IRGQ: variants seen among roughly 807,000 people sequenced by gnomAD.
IRGQ encodes the protein immunity related GTPase Q.
Under a neutral mutation model 10.5 loss-of-function variants are expected in IRGQ, and 5 were observed. The observed-to-expected ratio is 0.48, with a 90% CI of 0.25 to 1.00. The LOEUF (loss-of-function observed/expected upper bound fraction) is 1.00. IRGQ is among the 50% of genes least tolerant of loss of function. The probability of loss-of-function intolerance (pLI) is 0.16; values close to 1 mark genes in which losing one functional copy is unlikely to be tolerated. For synonymous variants in IRGQ, 418 were observed against 426.0 expected (o/e 0.98, Z 0.23); for missense variants, 792 against 877.7 (o/e 0.90, Z 1.23).
Position 43,587,528 on chromosome 19 carries a change from A to G in IRGQ, c.*4498T>C, listed in dbSNP as rs1193927138. 6.6e-6 allele frequency: 1 copy of G among 152,254 alleles called. No homozygotes were observed. The highest frequency in any genetic ancestry group is 1.5e-5 in the Non-Finnish European group (1 of 68,048). The allele number at this position is 152,254 out of a possible 1,614,324, so 9.4% of individuals were successfully genotyped here. On this transcript the variant is annotated 3_prime_UTR_variant, in exon 3 of 3. Coordinates refer to ENST00000422989, the MANE Select transcript of IRGQ (RefSeq NM_001007561.3). ...CAAGCATTTCAGATAAAAATGTACCATGGTAATTGAGATTTGGTGTAAGTG... is the reference window on the plus strand; with the variant it reads ...CAAGCATTTCAGATAAAAATGTACCGTGGTAATTGAGATTTGGTGTAAGTG...
chr19:43,595,195 G>T lies in IRGQ; in HGVS notation c.144C>A (p.Ser48Arg). Reference sequence around the variant, plus strand: ...AAAGGCCTGGGCCCGCAGCTCTTAGGCTGGGAACCCCGGAGTCCGGCCGTC... The same window carrying T: ...AAAGGCCTGGGCCCGCAGCTCTTAGTCTGGGAACCCCGGAGTCCGGCCGTC... Reference protein sequence around the residue: ...PEGRPDSGVPSLRAAGPGLFL... With the variant: ...PEGRPDSGVPRLRAAGPGLFL... The change falls in exon 2 of 3, where the codon AGC (serine) becomes AGA (arginine). Residue 48 changes from serine to arginine, a missense_variant. Ser to Arg is a moderately radical substitution (Grantham distance 110). Coordinates refer to ENST00000422989, the MANE Select transcript of IRGQ (RefSeq NM_001007561.3). 1 of 1,612,126 alleles carries T rather than the reference G, an allele frequency of 6.2e-7. No individual in the cohort carries two copies. The highest frequency in any genetic ancestry group is 2.2e-5 in the East Asian group (1 of 44,864).
Position 43,594,724 on chromosome 19 carries a change from G to T in IRGQ, c.530+85C>A, listed in dbSNP as rs144835604. The T allele has an allele frequency of 8.4e-6, 10 of 1,184,136 alleles. No individual in the cohort carries two copies. The Admixed American group carries it at 2.0e-4, about 24-fold the overall frequency. 73.4% of individuals were successfully genotyped at this position (1,184,136 alleles called of 1,614,324 possible). A position where few individuals can be genotyped will look rare whatever the true frequency, so the allele number is the denominator to read the frequency against. Reference sequence around the variant, plus strand: ...GCTAAGCCTTGCCCCAAACTCACTGGGGGAGGGATCTCATGGACCTCCATG... The same window carrying T: ...GCTAAGCCTTGCCCCAAACTCACTGTGGGAGGGATCTCATGGACCTCCATG... On this transcript the variant is annotated intron_variant, in intron 2 of 2. Transcript: ENST00000422989.
rs1440049059 is a variant in IRGQ at position 43,586,247 on chromosome 19, GAGTCTT to G, written c.*5773_*5778del. 6 of 152,136 alleles carry G rather than the reference GAGTCTT, an allele frequency of 3.9e-5. No homozygotes were observed. 9.4% of individuals were successfully genotyped at this position (152,136 alleles called of 1,614,324 possible). A position where few individuals can be genotyped will look rare whatever the true frequency, so the allele number is the denominator to read the frequency against. ...GGCGGCCAGTGATCTGTCTACAAGG[GAGTCTT>G]AGTCTTTTCTGCTTGGATGCTCCCA... On this transcript the variant is annotated 3_prime_UTR_variant, in exon 3 of 3. Transcript: ENST00000422989.
chr19:43,592,413 T>G lies in IRGQ; in HGVS notation c.1485A>C (p.Ala495=). Residue 495 remains alanine (A), a synonymous_variant, in exon 3 of 3, where the codon GCA becomes GCC. Transcript: ENST00000422989. ...ATGCCCAGCCCAGCCCTGGGAGTGG[T>G]GCCGCCGCCGCCGCCAGACTAGCCA... is the stretch of plus-strand genomic sequence containing the variant. ...ALLASLAAAA[A]PLPGLGWACD... The G allele has an allele frequency of 6.3e-7, 1 of 1,575,084 alleles. No individual in the cohort carries two copies. Among genetic ancestry groups the G allele is most frequent in the Non-Finnish European group, 8.6e-7 (1 of 1,168,394 alleles).
In IRGQ at chr19:43,592,553, CT is replaced by C. The variant is rs1225639245; in HGVS notation, c.1344del (p.Ala449ArgfsTer103). 1 of 1,597,132 alleles carries C rather than the reference CT, an allele frequency of 6.3e-7. No homozygotes were observed. Among genetic ancestry groups the C allele is most frequent in the Admixed American group, 1.7e-5 (1 of 59,922 alleles). ...GCCCCTGCCTGGGCTGGGGGGAGCG[CT>C]CGCCGCAGCCATTCGCATAGCCCTG... is the stretch of plus-strand genomic sequence containing the variant. ...GLPGLCEWLR[R>X]ALPPAQAGAL... On this transcript the variant is annotated frameshift_variant, in exon 3 of 3. Transcript: ENST00000422989. LOFTEE classifies it high-confidence loss of function.
Position 43,585,393 on chromosome 19 carries a change from C to G in IRGQ, c.*6633G>C, listed in dbSNP as rs1972983028. ...AGCTGGGACTACAGGTGTGCACCACCACACCCAGCTAATTTTTTGTATTTT... is the reference window on the plus strand; with the variant it reads ...AGCTGGGACTACAGGTGTGCACCACGACACCCAGCTAATTTTTTGTATTTT... On this transcript the variant is annotated 3_prime_UTR_variant, in exon 3 of 3. Transcript: ENST00000422989. The G allele has an allele frequency of 6.6e-6, 1 of 152,262 alleles. No homozygotes were observed. The highest frequency in any genetic ancestry group is 1.5e-5 in the Non-Finnish European group (1 of 68,128). The allele number at this position is 152,262 out of a possible 1,614,324, so 9.4% of individuals were successfully genotyped here.
intron 1 of IRGQ, 71 bp from the exon 2 acceptor site, chr19:43,595,411 T>G (rs2146101416): frequency 1.5e-5 from 22 of 1,422,996 alleles, no homozygotes; most frequent in Non-Finnish European, 2.1e-5. Flanking sequence ...GCCGCCCCAC[T>G]CGGAACCCAG....
Position 43,592,898 on chromosome 19 carries a change from C to T in IRGQ, c.1000G>A (p.Glu334Lys). Residue 334 changes from glutamate to lysine, a missense_variant, in exon 3 of 3, where the codon GAG becomes AAG. Coordinates refer to ENST00000422989, the MANE Select transcript of IRGQ (RefSeq NM_001007561.3). Reference sequence around the variant, plus strand: ...CCCAGACACTCCGGATCCTCGCCCTCGCCGTCTGTGCGCACGCAGACAAGA... The same window carrying T: ...CCCAGACACTCCGGATCCTCGCCCTTGCCGTCTGTGCGCACGCAGACAAGA... The part of the protein sequence containing the change: ...APLVCVRTDG[E>K]GEDPECLGEG... 1.2e-6 allele frequency: 2 copies of T among 1,613,184 alleles called. No individual in the cohort carries two copies. Among genetic ancestry groups the T allele is most frequent in the Admixed American group, 1.7e-5 (1 of 60,032 alleles).
In IRGQ at chr19:43,591,273, T is replaced by C. The variant is rs913844028; in HGVS notation, c.*753A>G. The C allele has an allele frequency of 6.6e-6, 1 of 152,292 alleles. No individual in the cohort carries two copies. The highest frequency in any genetic ancestry group is 1.5e-5 in the Non-Finnish European group (1 of 68,090). 9.4% of individuals were successfully genotyped at this position (152,292 alleles called of 1,614,324 possible). On this transcript the variant is annotated 3_prime_UTR_variant, in exon 3 of 3. Coordinates refer to ENST00000422989, the MANE Select transcript of IRGQ (RefSeq NM_001007561.3). ...GTGCAGGCTTTTTCTCCCAGAGAAATGTAGACCCTGTTTCCCTCTGAGGCT... is the reference window on the plus strand; with the variant it reads ...GTGCAGGCTTTTTCTCCCAGAGAAACGTAGACCCTGTTTCCCTCTGAGGCT...
In IRGQ at chr19:43,592,543, G is replaced by C. The variant is rs751338687; in HGVS notation, c.1355C>G (p.Pro452Arg). 7 of 1,596,564 alleles carry C rather than the reference G, an allele frequency of 4.4e-6. No individual in the cohort carries two copies. Among genetic ancestry groups the C allele is most frequent in the Non-Finnish European group, 5.9e-6 (7 of 1,178,344 alleles). ...LCEWLRRALPPAQAGALLLAL... is the reference protein window; with the variant it reads ...LCEWLRRALPRAQAGALLLAL... ...CAGCAGCAGTGCCCCTGCCTGGGCT[G>C]GGGGGAGCGCTCGCCGCAGCCATTC... is the stretch of plus-strand genomic sequence containing the variant. Residue 452 changes from proline (P) to arginine (R), a missense_variant, in exon 3 of 3, where the codon CCA becomes CGA. By Grantham distance (103) the Pro-to-Arg change is moderately radical (BLOSUM62 -2). Transcript: ENST00000422989.
At position 43,592,665 on chromosome 19, in the gene IRGQ, G is replaced by C. The variant is rs200332851; in HGVS notation, c.1233C>G (p.Ala411=). The C allele has an allele frequency of 1.0e-4, 163 of 1,605,884 alleles. No homozygotes were observed. The highest frequency in any genetic ancestry group is 5.0e-4 in the Admixed American group (30 of 60,008). ...KKSGGGDSER[A]AALSPEDETW... is the part of the protein sequence containing the mutation. ...TCTCGTCCTCCGGGCTTAACGCAGCGGCCCGCTCTGAGTCGCCACCACCTG... is the reference window on the plus strand; with the variant it reads ...TCTCGTCCTCCGGGCTTAACGCAGCCGCCCGCTCTGAGTCGCCACCACCTG... Residue 411 remains alanine (A), a synonymous_variant, in exon 3 of 3, where the codon GCC becomes GCG. Coordinates refer to ENST00000422989, the MANE Select transcript of IRGQ (RefSeq NM_001007561.3).
rs541944886 is a variant in IRGQ at position 43,592,965 on chromosome 19, C to T, written c.933G>A (p.Lys311=). Residue 311 remains lysine, a synonymous_variant, in exon 3 of 3, where the codon AAG becomes AAA. Transcript: ENST00000422989. ...GCAAGGCCTGGACCTGGGCCCAGTC[C>T]TTCTCAGTGGGGGCCCCAGGGGTGA... The part of the protein sequence containing the change: ...ILVTPGAPTE[K]DWAQVQALLL... The T allele has an allele frequency of 6.0e-5, 96 of 1,609,336 alleles. 1 individual carries two copies. The South Asian group carries it at 1.0e-3, about 17-fold the overall frequency.
Position 43,592,499 on chromosome 19 carries a change from G to C in IRGQ, c.1399C>G (p.Pro467Ala). The C allele has an allele frequency of 6.3e-7, 1 of 1,594,712 alleles. No individual in the cohort carries two copies. Reference sequence around the variant, plus strand: ...GCAGCCTTGGTTCGGGCAGCGCTGGGAGATGCTGGTGGCAACGCCAGCAGC... The same window carrying C: ...GCAGCCTTGGTTCGGGCAGCGCTGGCAGATGCTGGTGGCAACGCCAGCAGC... ...ALLLALPPAS[P>A]SAARTKAAAL... The change falls in exon 3 of 3, where the codon CCC (proline) becomes GCC (alanine). Residue 467 changes from proline to alanine, a missense_variant. Pro to Ala is a conservative substitution (Grantham distance 27). Transcript: ENST00000422989.
chr19:43,592,043 G>T lies in IRGQ; in HGVS notation c.1855C>A (p.Pro619Thr). The T allele has an allele frequency of 6.2e-7, 1 of 1,604,596 alleles. No individual in the cohort carries two copies. The highest frequency in any genetic ancestry group is 1.1e-5 in the South Asian group (1 of 90,222). The change falls in exon 3 of 3, where the codon CCT (proline) becomes ACT (threonine). Residue 619 changes from proline (P) to threonine (T), a missense_variant. Transcript: ENST00000422989. The part of the protein sequence containing the change: ...RADAEAVLAP[P>T]EPAQ Reference sequence around the variant, plus strand: ...CCCACTCCTCACTGGGCAGGCTCAGGGGGTGCCAGCACAGCCTCAGCATCA... The same window carrying T: ...CCCACTCCTCACTGGGCAGGCTCAGTGGGTGCCAGCACAGCCTCAGCATCA...
rs756626787 is a variant in IRGQ, at chr19:43,591,846, CAAAAAA to C, written c.*174_*179del. On this transcript the variant is annotated 3_prime_UTR_variant, in exon 3 of 3. Coordinates refer to ENST00000422989, the MANE Select transcript of IRGQ (RefSeq NM_001007561.3). Reference sequence around the variant, plus strand: ...CTGGGCAACAAGAGACTTCGTCTCACAAAAAAAAGAAAAAAAAAAAAAAAAATCAGG... The same window carrying C: ...CTGGGCAACAAGAGACTTCGTCTCACAAGAAAAAAAAAAAAAAAAATCAGG... 1 of 516,300 alleles carries C rather than the reference CAAAAAA, an allele frequency of 1.9e-6. No homozygotes were observed. Among genetic ancestry groups the C allele is most frequent in the East Asian group, 3.3e-5 (1 of 30,384 alleles). 32.0% of individuals were successfully genotyped at this position (516,300 alleles called of 1,614,324 possible). A position where few individuals can be genotyped will look rare whatever the true frequency, so the allele number is the denominator to read the frequency against.
chr19:43,592,391 C>T lies in IRGQ; in HGVS notation c.1507G>A (p.Ala503Thr). 1.3e-6 allele frequency: 2 copies of T among 1,575,556 alleles called. No homozygotes were observed. Among genetic ancestry groups the T allele is most frequent in the Non-Finnish European group, 1.7e-6 (2 of 1,168,740 alleles). The change falls in exon 3 of 3, where the codon GCA (alanine) becomes ACA (threonine). Residue 503 changes from alanine (A) to threonine (T), a missense_variant. Coordinates refer to ENST00000422989, the MANE Select transcript of IRGQ (RefSeq NM_001007561.3). ...AAAPLPGLGW[A>T]CDVALLRGQL... ...CCCCGCAGAAGTGCCACGTCGCATG[C>T]CCAGCCCAGCCCTGGGAGTGGTGCC...
At position 43,595,311 on chromosome 19, in the gene IRGQ, C is replaced by G; in HGVS notation, c.28G>C (p.Ala10Pro). Reference protein sequence around the residue: MPPPQGDVTALFLGPPGLGK... With the variant: MPPPQGDVTPLFLGPPGLGK... ...AAGCCCGGAGGCCCCAGGAACAAGGCGGTCACGTCACCCTGCGGCGGAGGC... is the reference window on the plus strand; with the variant it reads ...AAGCCCGGAGGCCCCAGGAACAAGGGGGTCACGTCACCCTGCGGCGGAGGC... Residue 10 changes from alanine to proline, a missense_variant, in exon 2 of 3, where the codon GCC becomes CCC. Ala to Pro is a conservative substitution (Grantham distance 27, BLOSUM62 -1). Coordinates refer to ENST00000422989, the MANE Select transcript of IRGQ (RefSeq NM_001007561.3). 1 of 1,571,220 alleles carries G rather than the reference C, an allele frequency of 6.4e-7. No homozygotes were observed. The highest frequency in any genetic ancestry group is 8.6e-7 in the Non-Finnish European group (1 of 1,158,944).
At position 43,593,059 on chromosome 19, in the gene IRGQ, C is replaced by A. The variant is rs745705855; in HGVS notation, c.839G>T (p.Gly280Val). 1.2e-6 allele frequency: 2 copies of A among 1,604,664 alleles called. No homozygotes were observed. The highest frequency in any genetic ancestry group is 1.7e-6 in the Non-Finnish European group (2 of 1,174,306). ...PNVVLWTVPLGHTGTATTAAA... is the reference protein window; with the variant it reads ...PNVVLWTVPLVHTGTATTAAA... The stretch of plus-strand genomic sequence containing the variant: ...CGCGGTGGTGGCAGTGCCCGTGTGG[C>A]CCAGAGGCACGGTCCAGAGCACCAC... Residue 280 changes from glycine (G) to valine (V), a missense_variant, in exon 3 of 3, where the codon GGC (glycine) becomes GTC (valine). Coordinates refer to ENST00000422989, the MANE Select transcript of IRGQ (RefSeq NM_001007561.3). The surrounding 1 kb of genome is among the most constrained non-coding windows in gnomAD (Gnocchi z 6.4).
In IRGQ at chr19:43,590,244, G is replaced by A. The variant is rs529726024; in HGVS notation, c.*1782C>T. ...AAGTCTATCAGGCTGGACAGGAGTG[G>A]GAAGGGGCAGTGAATGAGAATAGGC... On this transcript the variant is annotated 3_prime_UTR_variant, in exon 3 of 3. Transcript: ENST00000422989. 4.6e-5 allele frequency: 7 copies of A among 152,488 alleles called. No homozygotes were observed. In the South Asian group the frequency reaches 1.4e-3, roughly 32 times the overall value. The allele number at this position is 152,488 out of a possible 1,614,324, so 9.4% of individuals were successfully genotyped here.
Sources: allele counts gnomAD v4.1 joint callset, GRCh38; gene constraint gnomAD v4.1.1; non-coding constraint Gnocchi (gnomAD v3.1); transcripts MANE v1.5; gene names NCBI Gene and HGNC (gene_info 2026-07-23, HGNC 2026-07-21).